The following IGF1R variants were observed in gnomAD, a reference collection of about 807,000 sequenced individuals.
The protein encoded by IGF1R is insulin-like growth factor 1 receptor.
Under a neutral mutation model 144.6 loss-of-function variants are expected in IGF1R, and 44 were observed. The observed-to-expected ratio is 0.30, with a 90% CI of 0.24 to 0.39. The LOEUF (loss-of-function observed/expected upper bound fraction) is 0.39. Among genes scored for constraint, IGF1R ranks in the 10% least tolerant of loss-of-function variants. IGF1R has a pLI of 1.00. For synonymous variants in IGF1R, 795 were observed against 722.8 expected (o/e 1.10, Z -1.60); for missense variants, 1,355 against 1,833.7 (o/e 0.74, Z 4.77).
At chr15:98,923,726 C>G (rs553225476) in intron 11 of IGF1R, 150 bp from the exon 12 acceptor site, 1 of 691,610 alleles carries the variant, frequency 1.4e-6, no homozygotes, top group Admixed American at 2.0e-5. Context: ...CTGTCCTGCC[C>G]GCGTGGATGG....
chr15:98,791,631 A>G (rs1348031533), intron 2 of IGF1R, among the ~76,000 whole-genome samples: 1 of 152,354 alleles, frequency 6.6e-6, no homozygotes, highest in African/African-American at 2.4e-5. Flanking sequence ...GAAAGGCTGT[A>G]TATTTTCTGA....
chr15:98,826,385 G>A (rs2056895325), intron 2 of IGF1R, among the ~76,000 whole-genome samples: 1 of 152,182 alleles, frequency 6.6e-6, no homozygotes, highest in Non-Finnish European at 1.5e-5. Flanking sequence ...TTTTTGGAAT[G>A]CAATGTAAAA....
Position 98,957,202 on chromosome 15 carries a change from C to G in IGF1R, c.3864C>G (p.Pro1288=), listed in dbSNP as rs373500508. The G allele has an allele frequency of 5.6e-6, 9 of 1,614,082 alleles. No homozygotes were observed. In the South Asian group the frequency reaches 7.7e-5, roughly 14 times the overall value. Reference sequence around the variant, plus strand: ...ACTACAGCGAGGAGAACAAGCTGCCCGAGCCGGAGGAGCTGGACCTGGAGC... The same window carrying G: ...ACTACAGCGAGGAGAACAAGCTGCCGGAGCCGGAGGAGCTGGACCTGGAGC... ...SFYYSEENKL[P]EPEELDLEPE... Residue 1288 remains proline, a synonymous_variant, in exon 21 of 21, where the codon CCC becomes CCG. Transcript: ENST00000650285.
chr15:98,930,528 C>T (rs186371217), intron 15 of IGF1R, among the ~76,000 whole-genome samples: 68 of 152,050 alleles, frequency 4.5e-4, no homozygotes, highest in African/African-American at 1.6e-3. Context: ...ATGGGGTGCC[C>T]CAAGGAAACA....
intron 2 of IGF1R, among the ~76,000 whole-genome samples, chr15:98,806,508 C>T (rs1214336695): frequency 6.6e-6 from 1 of 151,668 alleles, no homozygotes; most frequent in East Asian, 1.9e-4. Context: ...AAACAAAAAA[C>T]TGTTGAATAG....
At chr15:98,747,822 G>A (rs1596262913) in intron 2 of IGF1R, among the ~76,000 whole-genome samples, 2 of 152,270 alleles carry the variant, frequency 1.3e-5, no homozygotes, top group Non-Finnish European at 1.5e-5. Context: ...GTATTATAAT[G>A]TACTGAGTAT....
At chr15:98,784,577 T>G (rs1233630780) in intron 2 of IGF1R, 1 of 154,074 alleles carries the variant, frequency 6.5e-6, no homozygotes, top group Non-Finnish European at 1.5e-5. Flanking sequence ...GCGTCCAGTT[T>G]GTGAACATTC....
intron 2 of IGF1R, among the ~76,000 whole-genome samples, chr15:98,858,682 C>T (rs940777471): frequency 2.6e-5 from 4 of 152,222 alleles, no homozygotes; most frequent in Non-Finnish European, 5.9e-5. Flanking sequence ...GACGAGGTCT[C>T]GCCTGGGCTT....
At chr15:98,792,310 A>G (rs1203885866) in intron 2 of IGF1R, among the ~76,000 whole-genome samples, 1 of 152,210 alleles carries the variant, frequency 6.6e-6, no homozygotes, top group African/African-American at 2.4e-5. Flanking sequence ...CTAACACCCA[A>G]ATACATAACC....
intron 2 of IGF1R, among the ~76,000 whole-genome samples, chr15:98,783,957 AATTTTTTTT>A (rs2055920199): frequency 7.7e-6 from 1 of 129,072 alleles, no homozygotes. Context: ...TGGCATCTGA[AATTTTTTTT>A]TTTTTTTTTT....
intron 2 of IGF1R, among the ~76,000 whole-genome samples, chr15:98,766,626 C>G (rs149692997): frequency 9.2e-5 from 14 of 152,236 alleles, no homozygotes; most frequent in African/African-American, 3.4e-4. Flanking sequence ...TCCATACATA[C>G]CCCTCTTTAT....
At chr15:98,695,462 G>A (rs1567080343) in intron 1 of IGF1R, among the ~76,000 whole-genome samples, 1 of 152,162 alleles carries the variant, frequency 6.6e-6, no homozygotes, top group Non-Finnish European at 1.5e-5. Context: ...CCTCCAAAGC[G>A]GAATTTTCTA....
intron 1 of IGF1R, among the ~76,000 whole-genome samples, chr15:98,657,463 C>T (rs2052512904): frequency 6.6e-6 from 1 of 152,134 alleles, no homozygotes; most frequent in Non-Finnish European, 1.5e-5. Flanking sequence ...TTCTCTTTAC[C>T]TAATTTCCCT....
At chr15:98,693,004 C>T (rs932052736) in intron 1 of IGF1R, among the ~76,000 whole-genome samples, 1 of 152,272 alleles carries the variant, frequency 6.6e-6, no homozygotes, top group African/African-American at 2.4e-5. Flanking sequence ...GTCCCTTTGT[C>T]CCGTGTTCCA....
chr15:98,758,087 A>C (rs1246429867), intron 2 of IGF1R, among the ~76,000 whole-genome samples: 1 of 152,038 alleles, frequency 6.6e-6, no homozygotes, highest in African/African-American at 2.4e-5. Context: ...CTTTTCACTC[A>C]TGGATTCTAG....
chr15:98,808,340 C>CA (rs2056510281), intron 2 of IGF1R, among the ~76,000 whole-genome samples: 1 of 152,186 alleles, frequency 6.6e-6, no homozygotes, highest in African/African-American at 2.4e-5. Flanking sequence ...TTATCCTCTT[C>CA]AAAAATGTTT....
At chr15:98,722,788 C>T (rs2054274248) in intron 2 of IGF1R, among the ~76,000 whole-genome samples, 1 of 152,050 alleles carries the variant, frequency 6.6e-6, no homozygotes. Context: ...AAAGGAGCTG[C>T]CTTTGCAGAG....
chr15:98,822,361 C>A (rs981375061), intron 2 of IGF1R, among the ~76,000 whole-genome samples: 10 of 152,158 alleles, frequency 6.6e-5, no homozygotes, highest in African/African-American at 2.2e-4. Context: ...GAGTAATAGG[C>A]ATTTTTAGGC....
rs143730507 is a variant in IGF1R, at chr15:98,904,197, G to A, written c.1248-4488G>A. ...CTCCCGAGTAGCCGGGACTACAGGC[G>A]CTCACCACCACGCCCGACTAATTTT... On this transcript the variant is annotated intron_variant, in intron 5 of 20. Coordinates refer to ENST00000650285, the MANE Select transcript of IGF1R (RefSeq NM_000875.5). Among the ~76,000 whole-genome samples the A allele has an allele frequency of 5.3e-4, 81 of 152,004 alleles. No homozygotes were observed. The East Asian group carries it at 0.015, about 28-fold the overall frequency.
Sources: gnomAD v4.1 joint callset for allele counts (sites outside exome capture counted in the v4.1 genomes callset) on GRCh38, gnomAD v4.1.1 for gene constraint, MANE v1.5 for transcripts, NCBI Gene and HGNC (gene_info 2026-07-23, HGNC 2026-07-21) for gene names.